Variants in DLGAP1 observed in about 807,000 individuals in gnomAD.
DLGAP1 encodes disks large-associated protein 1.
DLGAP1 carries 11 observed loss-of-function variants against 90.8 expected under a neutral mutation model. That is an observed-to-expected ratio of 0.12 (90% CI 0.08 to 0.20). The LOEUF (loss-of-function observed/expected upper bound fraction) is 0.20, where lower values mean the gene tolerates loss of function less well. Ranked by LOEUF, DLGAP1 falls within the 10% of genes least tolerant of loss-of-function variation. The probability of loss-of-function intolerance (pLI) is 1.00; values close to 1 mark genes in which losing one functional copy is unlikely to be tolerated. For missense variants in DLGAP1, 1,050 were observed against 1,333.8 expected, an observed-to-expected ratio of 0.79 and a Z score of 3.31; for synonymous variants, 558 against 540.7, an observed-to-expected ratio of 1.03 and a Z score of -0.44.
At chr18:4,133,678 T>C (rs2076353760) in intron 2 of DLGAP1, among the ~76,000 whole-genome samples, 2 of 152,126 alleles carry the variant, frequency 1.3e-5, no homozygotes, top group African/African-American at 2.4e-5. Context: ...TAAAATGGGT[T>C]ATAGGAATTA....
At chr18:4,289,992 T>C (rs2145499205) in intron 1 of DLGAP1, among the ~76,000 whole-genome samples, 1 of 152,324 alleles carries the variant, frequency 6.6e-6, no homozygotes, top group East Asian at 1.9e-4. Context: ...TTTTCTTAGT[T>C]TGTTCTTATG....
intron 2 of DLGAP1, among the ~76,000 whole-genome samples, chr18:4,051,521 AC>A (rs1438094052): frequency 6.6e-6 from 1 of 152,094 alleles, no homozygotes; most frequent in Non-Finnish European, 1.5e-5. Context: ...GAGGGTAACC[AC>A]CCCCATGATT....
chr18:4,074,865 G>C (rs2075501184), intron 2 of DLGAP1, among the ~76,000 whole-genome samples: 1 of 152,152 alleles, frequency 6.6e-6, no homozygotes, highest in South Asian at 2.1e-4. Flanking sequence ...CTGGAATACA[G>C]TCAGCACTCA....
chr18:4,172,563 A>C (rs1480236072), intron 1 of DLGAP1, among the ~76,000 whole-genome samples: 1 of 152,214 alleles, frequency 6.6e-6, no homozygotes, highest in African/African-American at 2.4e-5. Context: ...AAGCTGATCA[A>C]CATTATTGAG....
Position 3,727,534 on chromosome 18 carries a change from G to A in DLGAP1, c.1591+1601C>T, listed in dbSNP as rs1171522620. On this transcript the variant is annotated intron_variant, in intron 7 of 12. Transcript: ENST00000315677. The surrounding 1 kb of genome is among the most constrained non-coding windows in gnomAD (Gnocchi z 4.7). ...TTTAAGGAGCGATTTCAGCTGGCAG[G>A]CAATGAGTTCATCATACAGAAGAAT... Among the ~76,000 whole-genome samples the A allele has an allele frequency of 6.6e-6, 1 of 152,052 alleles. No individual in the cohort carries two copies. The highest frequency in any genetic ancestry group is 1.5e-5 in the Non-Finnish European group (1 of 68,022).
At chr18:3,757,168 G>C (rs1435050420) in intron 5 of DLGAP1, among the ~76,000 whole-genome samples, 1 of 152,214 alleles carries the variant, frequency 6.6e-6, no homozygotes, top group African/African-American at 2.4e-5. Flanking sequence ...CCAGCACTTT[G>C]GGAGGCCAAG....
At chr18:3,763,760 T>C (rs1192100657) in intron 5 of DLGAP1, among the ~76,000 whole-genome samples, 2 of 151,920 alleles carry the variant, frequency 1.3e-5, no homozygotes, top group African/African-American at 2.4e-5. Flanking sequence ...ATCTCCCAGG[T>C]ACAAGCGATT....
chr18:3,825,349 T>TGG (rs2067652508), intron 4 of DLGAP1, among the ~76,000 whole-genome samples: 1 of 152,218 alleles, frequency 6.6e-6, no homozygotes, highest in African/African-American at 2.4e-5. Flanking sequence ...ATGGTATCTG[T>TGG]GGGGGACTGG....
intron 5 of DLGAP1, among the ~76,000 whole-genome samples, chr18:3,812,450 A>T (rs2066892009): frequency 6.6e-6 from 1 of 151,646 alleles, no homozygotes; most frequent in South Asian, 2.1e-4. Flanking sequence ...TGAAGTCCTA[A>T]CTCCTACTAT....
chr18:3,523,508 T>C (rs956845514), intron 10 of DLGAP1, among the ~76,000 whole-genome samples: 2 of 151,936 alleles, frequency 1.3e-5, no homozygotes, highest in East Asian at 3.9e-4. Flanking sequence ...CTCTTACAAC[T>C]CAATAGCAAG....
intron 1 of DLGAP1, among the ~76,000 whole-genome samples, chr18:4,386,620 T>C (rs1021236391): frequency 6.6e-6 from 1 of 152,202 alleles, no homozygotes; most frequent in African/African-American, 2.4e-5. Context: ...ATACAGGTGA[T>C]AATGGGAAAA....
rs2066448750 is a variant in DLGAP1, at chr18:3,804,015, A to G, written c.1172+10044T>C. ...ATATATATATATATAATTTTTTTTG[A>G]GACAGTCTGGCTCTGTCGGCCAGGC... On this transcript the variant is annotated intron_variant, in intron 5 of 12. Coordinates refer to ENST00000315677, the MANE Select transcript of DLGAP1 (RefSeq NM_004746.4). Among the ~76,000 whole-genome samples, 3 of 122,550 alleles carry G rather than the reference A, an allele frequency of 2.4e-5. No individual in the cohort carries two copies. The South Asian group carries it at 7.7e-4, about 31-fold the overall frequency. The allele number at this position is 122,550 out of a possible 152,430, so 80.4% of individuals were successfully genotyped here. A position where few individuals can be genotyped will look rare whatever the true frequency, so the allele number is the denominator to read the frequency against.
intron 1 of DLGAP1, among the ~76,000 whole-genome samples, chr18:4,309,248 A>C (rs1387941018): frequency 6.6e-6 from 1 of 152,214 alleles, no homozygotes; most frequent in Non-Finnish European, 1.5e-5. Flanking sequence ...AGTATCATAC[A>C]TGTACTTCAG....
chr18:3,922,144 G>T (rs1281087226), intron 3 of DLGAP1, among the ~76,000 whole-genome samples: 1 of 152,134 alleles, frequency 6.6e-6, no homozygotes. Flanking sequence ...GACCAAAAAA[G>T]AACATTTAAT....
chr18:3,698,500 G>A (rs1430738168), intron 7 of DLGAP1, among the ~76,000 whole-genome samples: 1 of 152,196 alleles, frequency 6.6e-6, no homozygotes, highest in African/African-American at 2.4e-5. Flanking sequence ...CTTTAAGAAT[G>A]TTGAATATTA....
At chr18:4,402,856 T>G (rs1598362101) in intron 1 of DLGAP1, among the ~76,000 whole-genome samples, 1 of 152,300 alleles carries the variant, frequency 6.6e-6, no homozygotes, top group South Asian at 2.1e-4. Flanking sequence ...TTATTTGGAA[T>G]GCTTACAGGT....
intron 1 of DLGAP1, among the ~76,000 whole-genome samples, chr18:4,436,629 C>A (rs1245214421): frequency 6.6e-6 from 1 of 151,888 alleles, no homozygotes; most frequent in Non-Finnish European, 1.5e-5. Context: ...GAGATCTACA[C>A]TTTTTTAAAG....
intron 7 of DLGAP1, among the ~76,000 whole-genome samples, chr18:3,629,101 T>C (rs2058422305): frequency 6.6e-6 from 1 of 152,228 alleles, no homozygotes; most frequent in African/African-American, 2.4e-5. Context: ...CTATTGCTGC[T>C]GCATATCTTT....
Position 3,613,695 on chromosome 18 carries a change from T to A in DLGAP1, c.1592-31447A>T, listed in dbSNP as rs189964182. On this transcript the variant is annotated intron_variant, in intron 7 of 12. Transcript: ENST00000315677. Reference sequence around the variant, plus strand: ...TAGGAAGTATGAATTTATGAACAATTAACGCCCAGATGAGTTAACAGACCT... The same window carrying A: ...TAGGAAGTATGAATTTATGAACAATAAACGCCCAGATGAGTTAACAGACCT... 7.2e-5 allele frequency among the ~76,000 whole-genome samples: 11 copies of A among 152,294 alleles called. No homozygotes were observed. In the East Asian group the frequency reaches 2.1e-3, roughly 29 times the overall value.
Sources: gnomAD v4.1 joint callset for allele counts (sites outside exome capture counted in the v4.1 genomes callset) on GRCh38, gnomAD v4.1.1 for gene constraint, Gnocchi (gnomAD v3.1) non-coding constraint, MANE v1.5 for transcripts, NCBI Gene and HGNC (gene_info 2026-07-23, HGNC 2026-07-21) for gene names.